KRR1: variants seen among roughly 807,000 people sequenced by gnomAD.
KRR1 encodes the protein KRR1 small subunit processome component homolog.
Under a neutral mutation model 50.0 loss-of-function variants are expected in KRR1, and 23 were observed. That is an observed-to-expected ratio of 0.46 (90% CI 0.33 to 0.65). KRR1 has a LOEUF of 0.65. KRR1 is among the 30% of genes least tolerant of loss of function. The probability of loss-of-function intolerance (pLI) is 0.02; values close to 1 mark genes in which losing one functional copy is unlikely to be tolerated. For synonymous variants in KRR1, 133 were observed against 146.3 expected, an observed-to-expected ratio of 0.91 and a Z score of 0.66; for missense variants, 419 against 442.4, an observed-to-expected ratio of 0.95 and a Z score of 0.47.
chr12:75,506,573 T>C lies in KRR1; in HGVS notation c.430A>G (p.Ile144Val). The C allele has an allele frequency of 1.9e-6, 3 of 1,587,136 alleles. No homozygotes were observed. The highest frequency in any genetic ancestry group is 2.6e-6 in the Non-Finnish European group (3 of 1,169,578). ...CTTACTAAAGAACCTATTTTAATGA[T>C]GTCACATGCAACATCATCCTGAAGA... ...RILQDDVACD[I>V]IKIGSLVRNK... is the part of the protein sequence containing the mutation. Residue 144 changes from isoleucine to valine, a missense_variant, in exon 4 of 10, where the codon ATC (isoleucine) becomes GTC (valine). Ile to Val is a conservative substitution (Grantham distance 29, BLOSUM62 3). Coordinates refer to ENST00000229214, the MANE Select transcript of KRR1 (RefSeq NM_007043.7).
chr12:75,503,949 A>C lies in KRR1; in HGVS notation c.786T>G (p.Val262=). The change falls in exon 7 of 10, where the codon GTT becomes GTG. Residue 262 remains valine, a synonymous_variant. Transcript: ENST00000229214. ...GTGGGAATGGCGTATATTCTTTCTT[A>C]ACAGTTTTTTTCTTTGGTTCCTTGC... ...NKRKEPKKKT[V]KKEYTPFPPP... is the part of the protein sequence containing the mutation. The C allele has an allele frequency of 6.2e-7, 1 of 1,612,100 alleles. No individual in the cohort carries two copies. Among genetic ancestry groups the C allele is most frequent in the Non-Finnish European group, 8.5e-7 (1 of 1,178,704 alleles).
At chr12:75,501,009 A>T (rs1034162182) in intron 9 of KRR1, 6 of 152,074 alleles carry the variant, frequency 3.9e-5, no homozygotes, top group African/African-American at 1.2e-4. Context: ...ATAATGTATT[A>T]TATCTGTTTC....
At position 75,503,973 on chromosome 12, in the gene KRR1, G is replaced by C; in HGVS notation, c.762C>G (p.Arg254=). 1 of 1,611,840 alleles carries C rather than the reference G, an allele frequency of 6.2e-7. No individual in the cohort carries two copies. The highest frequency in any genetic ancestry group is 1.7e-5 in the Admixed American group (1 of 59,876). Residue 254 remains arginine (R), a synonymous_variant, in exon 7 of 10, where the codon CGC becomes CGG. Transcript: ENST00000229214. ...TAACAGTTTTTTTCTTTGGTTCCTTGCGTTTATTCACATTTTTGTGTTTGA... is the reference window on the plus strand; with the variant it reads ...TAACAGTTTTTTTCTTTGGTTCCTTCCGTTTATTCACATTTTTGTGTTTGA... ...PQFKHKNVNK[R]KEPKKKTVKK... is the part of the protein sequence containing the mutation.
chr12:75,506,666 T>G, intron 3 of KRR1, 57 bp from the exon 4 acceptor site: 1 of 1,543,172 alleles, frequency 6.5e-7, no homozygotes, highest in Non-Finnish European at 8.7e-7. Flanking sequence ...ACAATTACAT[T>G]CATTTTCCAG....
rs1443626378 is a variant in KRR1 at position 75,493,135 on chromosome 12, CTTT to C, written c.*6671_*6673del. On this transcript the variant is annotated 3_prime_UTR_variant, in exon 10 of 10. Transcript: ENST00000229214. ...AAGGCAGTTGCAGATCTAGCGGGAA[CTTT>C]TAGATCATGACAAAGTTTACATAAG... 6.6e-6 allele frequency: 1 copy of C among 152,046 alleles called. No homozygotes were observed. The highest frequency in any genetic ancestry group is 1.5e-5 in the Non-Finnish European group (1 of 68,028). 9.4% of individuals were successfully genotyped at this position (152,046 alleles called of 1,614,324 possible).
chr12:75,492,730 C>CA lies in KRR1; in HGVS notation c.*7078dup, dbSNP rs1385055157. ...GACTAACTTCAAATATTCATTTATT[C>CA]AACAAATATTTGTTTTACTGAGCTC... On this transcript the variant is annotated 3_prime_UTR_variant, in exon 10 of 10. Transcript: ENST00000229214. 6.6e-5 allele frequency: 10 copies of CA among 152,204 alleles called. No homozygotes were observed. The highest frequency in any genetic ancestry group is 2.4e-4 in the African/African-American group (10 of 41,518). 9.4% of individuals were successfully genotyped at this position (152,204 alleles called of 1,614,324 possible). A position where few individuals can be genotyped will look rare whatever the true frequency, so the allele number is the denominator to read the frequency against.
At chr12:75,503,746 G>A (rs957063484) in intron 7 of KRR1, 158 bp downstream of exon 7, 1 of 589,780 alleles carries the variant, frequency 1.7e-6, no homozygotes, top group Non-Finnish European at 2.8e-6. Flanking sequence ...CTCAAAATAT[G>A]CCTATTTATA....
In KRR1 at chr12:75,494,018, T is replaced by C. The variant is rs966995006; in HGVS notation, c.*5791A>G. On this transcript the variant is annotated 3_prime_UTR_variant, in exon 10 of 10. Coordinates refer to ENST00000229214, the MANE Select transcript of KRR1 (RefSeq NM_007043.7). ...CAATGAAAGACATTCCAATGATTAA[T>C]GTCTATTTTGGACATCTTTTGAAAT... is the stretch of plus-strand genomic sequence containing the variant. The C allele has an allele frequency of 3.3e-5, 5 of 152,248 alleles. No individual in the cohort carries two copies. The highest frequency in any genetic ancestry group is 7.2e-5 in the African/African-American group (3 of 41,470). 9.4% of individuals were successfully genotyped at this position (152,248 alleles called of 1,614,324 possible). A position where few individuals can be genotyped will look rare whatever the true frequency, so the allele number is the denominator to read the frequency against.
rs898102038 is a variant in KRR1, at chr12:75,494,187, A to G, written c.*5622T>C. 6.6e-6 allele frequency: 1 copy of G among 152,192 alleles called. No homozygotes were observed. The highest frequency in any genetic ancestry group is 1.5e-5 in the Non-Finnish European group (1 of 68,014). 9.4% of individuals were successfully genotyped at this position (152,192 alleles called of 1,614,324 possible). On this transcript the variant is annotated 3_prime_UTR_variant, in exon 10 of 10. Coordinates refer to ENST00000229214, the MANE Select transcript of KRR1 (RefSeq NM_007043.7). Reference sequence around the variant, plus strand: ...GGGTTGGAAATAAGGTATCGTTATAAAGTTGTGTGTCTAAGGTGAGAGTTC... The same window carrying G: ...GGGTTGGAAATAAGGTATCGTTATAGAGTTGTGTGTCTAAGGTGAGAGTTC...
rs1263113341 is a variant in KRR1 at position 75,494,373 on chromosome 12, ACT to A, written c.*5434_*5435del. 1 of 152,132 alleles carries A rather than the reference ACT, an allele frequency of 6.6e-6. No individual in the cohort carries two copies. Among genetic ancestry groups the A allele is most frequent in the Non-Finnish European group, 1.5e-5 (1 of 68,022 alleles). 9.4% of individuals were successfully genotyped at this position (152,132 alleles called of 1,614,324 possible). A position where few individuals can be genotyped will look rare whatever the true frequency, so the allele number is the denominator to read the frequency against. On this transcript the variant is annotated 3_prime_UTR_variant, in exon 10 of 10. Transcript: ENST00000229214. ...CACCATCATATTAGCAATAAACGTG[ACT>A]CTGACTTAGCAGTATCATCTTTGTA...
intron 1 of KRR1, among the ~76,000 whole-genome samples, chr12:75,510,750 C>A (rs745633994): frequency 1.3e-5 from 2 of 152,134 alleles, no homozygotes; most frequent in Non-Finnish European, 2.9e-5. Context: ...TTATTAAACT[C>A]TATATAAGTT....
In KRR1 at chr12:75,498,710, C is replaced by T; in HGVS notation, c.*1099G>A. The T allele has an allele frequency of 6.2e-7, 1 of 1,612,716 alleles. No homozygotes were observed. The stretch of plus-strand genomic sequence containing the variant: ...ACTTTACAGTTAACCGACAGCGAGA[C>T]CAAGTCAAACGTACGTACATCAATC... On this transcript the variant is annotated 3_prime_UTR_variant, in exon 10 of 10. Coordinates refer to ENST00000229214, the MANE Select transcript of KRR1 (RefSeq NM_007043.7).
chr12:75,510,498 A>T (rs1387838629), intron 1 of KRR1, among the ~76,000 whole-genome samples: 1 of 152,220 alleles, frequency 6.6e-6, no homozygotes, highest in Non-Finnish European at 1.5e-5. Context: ...GAAAAACAAA[A>T]AGCTAAATCT....
In KRR1 at chr12:75,495,448, C is replaced by G. The variant is rs2046344414; in HGVS notation, c.*4361G>C. On this transcript the variant is annotated 3_prime_UTR_variant, in exon 10 of 10. Coordinates refer to ENST00000229214, the MANE Select transcript of KRR1 (RefSeq NM_007043.7). ...CATTTCTGCCTTCCTGTCTTCACTT[C>G]TATTACCAACTCTCTGGACCTTTGT... The G allele has an allele frequency of 1.7e-6, 1 of 595,486 alleles. No homozygotes were observed. The highest frequency in any genetic ancestry group is 1.9e-5 in the African/African-American group (1 of 53,664). The allele number at this position is 595,486 out of a possible 1,614,324, so 36.9% of individuals were successfully genotyped here.
rs954366326 is a variant in KRR1, at chr12:75,494,681, T to C, written c.*5128A>G. ...AAGGGTACGATTACACAAAAAAGTT[T>C]AGAACTTTTTCCAAAAGCAGAGTTC... On this transcript the variant is annotated 3_prime_UTR_variant, in exon 10 of 10. Coordinates refer to ENST00000229214, the MANE Select transcript of KRR1 (RefSeq NM_007043.7). The C allele has an allele frequency of 3.3e-5, 5 of 152,208 alleles. No individual in the cohort carries two copies. Among genetic ancestry groups the C allele is most frequent in the African/African-American group, 1.2e-4 (5 of 41,468 alleles). 9.4% of individuals were successfully genotyped at this position (152,208 alleles called of 1,614,324 possible).
intron 7 of KRR1, 55 bp downstream of exon 7, chr12:75,503,849 C>T: frequency 6.8e-7 from 1 of 1,474,672 alleles, no homozygotes; most frequent in Middle Eastern, 2.2e-4. Context: ...AAGTTTCTGA[C>T]CAAATACATT....
chr12:75,504,136 G>A (rs1211677613), intron 6 of KRR1, 62 bp from the exon 7 acceptor site: 10 of 1,211,086 alleles, frequency 8.3e-6, no homozygotes, highest in East Asian at 7.3e-5. Flanking sequence ...GTCAGACTCA[G>A]ACATTATAAA....
At position 75,499,719 on chromosome 12, in the gene KRR1, G is replaced by T; in HGVS notation, c.*90C>A. 3.3e-6 allele frequency: 3 copies of T among 912,914 alleles called. No homozygotes were observed. The highest frequency in any genetic ancestry group is 3.1e-6 in the Non-Finnish European group (2 of 643,100). 56.6% of individuals were successfully genotyped at this position (912,914 alleles called of 1,614,324 possible). A position where few individuals can be genotyped will look rare whatever the true frequency, so the allele number is the denominator to read the frequency against. On this transcript the variant is annotated 3_prime_UTR_variant, in exon 10 of 10. Coordinates refer to ENST00000229214, the MANE Select transcript of KRR1 (RefSeq NM_007043.7). The stretch of plus-strand genomic sequence containing the variant: ...CCACCAAAAAAAAAAAAAGCCCTCA[G>T]AAAATTTCTCACAAATAAGGCAACT...
At chr12:75,510,137 T>G (rs2046440356) in intron 1 of KRR1, among the ~76,000 whole-genome samples, 1 of 152,078 alleles carries the variant, frequency 6.6e-6, no homozygotes, top group African/African-American at 2.4e-5. Flanking sequence ...AAATTCAAAA[T>G]TCAGATAACA....
Sources: allele counts gnomAD v4.1 joint callset (sites outside exome capture counted in the v4.1 genomes callset), GRCh38; gene constraint gnomAD v4.1.1; transcripts MANE v1.5; gene names NCBI Gene and HGNC (gene_info 2026-07-23, HGNC 2026-07-21).